KALRN: variants seen among roughly 807,000 people sequenced by gnomAD.
KALRN encodes kalirin.
KALRN carries 70 observed loss-of-function variants against 353.7 expected under a neutral mutation model. That is an observed-to-expected ratio of 0.20 (90% CI 0.16 to 0.24). KALRN has a LOEUF of 0.24. Ranked by LOEUF, KALRN falls within the 10% of genes least tolerant of loss-of-function variation. The probability of loss-of-function intolerance (pLI) is 1.00; values close to 1 mark genes in which losing one functional copy is unlikely to be tolerated. For synonymous variants in KALRN, 1,391 were observed against 1,434.8 expected (o/e 0.97, Z 0.69); for missense variants, 2,791 against 3,756.7 (o/e 0.74, Z 6.72).
chr3:124,541,507 C>G (rs904315067), intron 33 of KALRN, among the ~76,000 whole-genome samples: 1 of 151,726 alleles, frequency 6.6e-6, no homozygotes, highest in African/African-American at 2.4e-5. Context: ...CCTTTATAAC[C>G]ACGCAGTTTT....
At chr3:124,102,366 CTCT>C (rs1233443287) in intron 1 of KALRN, among the ~76,000 whole-genome samples, 2 of 152,148 alleles carry the variant, frequency 1.3e-5, no homozygotes, top group Admixed American at 6.5e-5. Flanking sequence ...CCCAAACCTC[CTCT>C]TCTTATAGTT....
intron 3 of KALRN, among the ~76,000 whole-genome samples, chr3:124,263,533 G>C (rs988075666): frequency 6.6e-6 from 1 of 151,964 alleles, no homozygotes. Flanking sequence ...CACTGTGATT[G>C]TGCCTGAGAA....
At chr3:124,238,814 C>T (rs2148625659) in intron 3 of KALRN, among the ~76,000 whole-genome samples, 1 of 152,300 alleles carries the variant, frequency 6.6e-6, no homozygotes, top group Admixed American at 6.5e-5. Flanking sequence ...TCCATCTTGG[C>T]CTGAGATGAG....
intron 1 of KALRN, among the ~76,000 whole-genome samples, chr3:124,167,172 G>A (rs16835137): frequency 0.07 from 10,713 of 152,254 alleles, 367 homozygotes; most frequent in East Asian, 0.095. Flanking sequence ...CTCTGCCTGA[G>A]CGACTGGGCC....
intron 34 of KALRN, among the ~76,000 whole-genome samples, chr3:124,566,907 T>C (rs2072912322): frequency 6.6e-6 from 1 of 152,184 alleles, no homozygotes; most frequent in Non-Finnish European, 1.5e-5. Context: ...CCTCTTAGCA[T>C]TTGCAGAGAG....
intron 17 of KALRN, among the ~76,000 whole-genome samples, chr3:124,437,689 CAAAAAAAAAAAAAAAAAA>C (rs397876079): frequency 4.1e-5 from 2 of 48,328 alleles, no homozygotes; most frequent in African/African-American, 8.5e-5. Context: ...GATTCCGTCT[CAAAAAAAAAAAAAAAAAA>C]AAAAAAAAGA....
chr3:124,644,329 T>TC (rs1559753668), intron 37 of KALRN, among the ~76,000 whole-genome samples: 1 of 149,632 alleles, frequency 6.7e-6, no homozygotes, highest in African/African-American at 2.5e-5. Context: ...GATCTTTTTT[T>TC]AAAATTTTTT....
intron 3 of KALRN, among the ~76,000 whole-genome samples, chr3:124,251,003 T>G (rs1341624295): frequency 6.6e-6 from 1 of 152,208 alleles, no homozygotes; most frequent in Non-Finnish European, 1.5e-5. Context: ...GGAGCAATGG[T>G]TCTTGTGCTT....
intron 51 of KALRN, among the ~76,000 whole-genome samples, chr3:124,687,411 C>A (rs1325656190): frequency 6.6e-6 from 1 of 152,162 alleles, no homozygotes; most frequent in Non-Finnish European, 1.5e-5. Flanking sequence ...GCAACGCACC[C>A]CCATTTTGGT....
intron 1 of KALRN, among the ~76,000 whole-genome samples, chr3:124,219,801 G>A (rs1455968413): frequency 6.6e-6 from 1 of 152,228 alleles, no homozygotes; most frequent in East Asian, 1.9e-4. Context: ...TAGATTTTCA[G>A]GTTGGGGAGA....
chr3:124,461,576 C>G (rs1245033866), intron 23 of KALRN, among the ~76,000 whole-genome samples: 1 of 152,042 alleles, frequency 6.6e-6, no homozygotes, highest in African/African-American at 2.4e-5. Flanking sequence ...CATGCCTGTA[C>G]TCACATGAAT....
At chr3:124,547,343 C>T (rs763504719) in intron 33 of KALRN, among the ~76,000 whole-genome samples, 3 of 151,994 alleles carry the variant, frequency 2.0e-5, no homozygotes, top group Admixed American at 6.6e-5. Context: ...GACAAGGTCT[C>T]GCTTGGTCAT....
rs1308747316 is a variant in KALRN, at chr3:124,558,568, T to G, written c.4936-4275T>G. On this transcript the variant is annotated intron_variant, in intron 33 of 59. Transcript: ENST00000682506. ...TGCTGGGATTACAGTCACGAGCCAC[T>G]GCGCCCAGCCCAGAACTTATTTTTT... 9.8e-5 allele frequency among the ~76,000 whole-genome samples: 15 copies of G among 152,356 alleles called. No homozygotes were observed. In the East Asian group the frequency reaches 2.9e-3, roughly 29 times the overall value.
chr3:124,204,611 A>G (rs2076248152), intron 1 of KALRN, among the ~76,000 whole-genome samples: 1 of 130,952 alleles, frequency 7.6e-6, no homozygotes, highest in Non-Finnish European at 1.7e-5. Context: ...AAAAAATTCC[A>G]GTCATTTATC....
At chr3:124,244,048 C>T (rs764074591) in intron 3 of KALRN, among the ~76,000 whole-genome samples, 12 of 152,078 alleles carry the variant, frequency 7.9e-5, no homozygotes, top group Non-Finnish European at 1.5e-4. Flanking sequence ...ACTTCTAATA[C>T]GTAATGAATG....
In KALRN at chr3:124,536,132, G is replaced by A. The variant is rs1249264743; in HGVS notation, c.4936-26711G>A. 3.3e-5 allele frequency among the ~76,000 whole-genome samples: 5 copies of A among 150,522 alleles called. No homozygotes were observed. In the South Asian group the frequency reaches 6.3e-4, roughly 19 times the overall value. ...CCCCAGCCACCCAAAATGAGTCTTCGTTACTAAGAAGTAAGGGCACGATGG... is the reference window on the plus strand; with the variant it reads ...CCCCAGCCACCCAAAATGAGTCTTCATTACTAAGAAGTAAGGGCACGATGG... On this transcript the variant is annotated intron_variant, in intron 33 of 59. Coordinates refer to ENST00000682506, the MANE Select transcript of KALRN (RefSeq NM_001388419.1).
chr3:124,494,829 G>A (rs1206955279), intron 32 of KALRN, among the ~76,000 whole-genome samples: 3 of 152,186 alleles, frequency 2.0e-5, no homozygotes, highest in Admixed American at 2.0e-4. Context: ...TGTTCATGTG[G>A]TAGGATTCTC....
chr3:124,519,233 C>T (rs2066953235), intron 33 of KALRN: 2 of 963,300 alleles, frequency 2.1e-6, no homozygotes, highest in Non-Finnish European at 2.5e-6. Flanking sequence ...AAACTGGCCA[C>T]ATGTTGATAA....
intron 3 of KALRN, among the ~76,000 whole-genome samples, chr3:124,262,096 G>C (rs548708797): frequency 2.0e-5 from 3 of 152,216 alleles, no homozygotes; most frequent in East Asian, 3.9e-4. Context: ...ATACAGGAAG[G>C]GGGTGGTACT....
Sources: gnomAD v4.1 joint callset for allele counts (sites outside exome capture counted in the v4.1 genomes callset) on GRCh38, gnomAD v4.1.1 for gene constraint, MANE v1.5 for transcripts, NCBI Gene and HGNC (gene_info 2026-07-23, HGNC 2026-07-21) for gene names.